Variants in PTPRD observed in about 807,000 individuals in gnomAD.
PTPRD encodes the protein protein tyrosine phosphatase receptor type D, also known as receptor-type tyrosine-protein phosphatase delta.
Under a neutral mutation model 214.5 loss-of-function variants are expected in PTPRD, and 34 were observed. The ratio of observed to expected loss-of-function variants is 0.16; its 90% CI spans 0.12 to 0.21. PTPRD has a LOEUF of 0.21. PTPRD is among the 10% of genes least tolerant of loss of function. The pLI is 1.00. For synonymous variants in PTPRD, 1,128 were observed against 845.7 expected (o/e 1.33, Z -5.79); for missense variants, 2,545 against 2,398.7 (o/e 1.06, Z -1.27).
chr9:10,374,500 G>A (rs566765722), intron 2 of PTPRD, among the ~76,000 whole-genome samples: 41 of 152,058 alleles, frequency 2.7e-4, no homozygotes, highest in Middle Eastern at 3.4e-3. Context: ...ACTTGCCCAC[G>A]GAATAACTGT....
intron 8 of PTPRD, among the ~76,000 whole-genome samples, chr9:9,421,216 A>T (rs1042961147): frequency 6.6e-6 from 1 of 152,010 alleles, no homozygotes; most frequent in Non-Finnish European, 1.5e-5. Flanking sequence ...ACTAAATATT[A>T]TTTCTAAAAT....
At chr9:10,603,927 G>A (rs1315976363) in intron 2 of PTPRD, among the ~76,000 whole-genome samples, 1 of 151,848 alleles carries the variant, frequency 6.6e-6, no homozygotes, top group Non-Finnish European at 1.5e-5. Flanking sequence ...GGATGAGAAG[G>A]ATGAATGAGT....
intron 2 of PTPRD, among the ~76,000 whole-genome samples, chr9:10,478,301 C>A (rs761552521): frequency 1.1e-4 from 17 of 152,268 alleles, no homozygotes; most frequent in Non-Finnish European, 2.2e-4. Context: ...ATATTACCCA[C>A]ATGTTGTATA....
At chr9:10,315,174 G>C (rs574773495) in intron 3 of PTPRD, among the ~76,000 whole-genome samples, 72 of 151,974 alleles carry the variant, frequency 4.7e-4, no homozygotes, top group African/African-American at 1.3e-3. Context: ...TGAATGGCTT[G>C]ATTATTATGC....
rs546897221 is a variant in PTPRD at position 8,510,995 on chromosome 9, A to G, written c.1544-3561T>C. ...TACAGAGGTTCCATTTCACATTTCT[A>G]TTAATGTTTTCTCTCTATATATGTA... On this transcript the variant is annotated intron_variant, in intron 21 of 45. Transcript: ENST00000381196. Among the ~76,000 whole-genome samples the G allele has an allele frequency of 2.6e-5, 4 of 152,148 alleles. No individual in the cohort carries two copies. The South Asian group carries it at 8.3e-4, about 32-fold the overall frequency.
At chr9:10,057,997 A>C (rs1220730679) in intron 3 of PTPRD, among the ~76,000 whole-genome samples, 1 of 152,118 alleles carries the variant, frequency 6.6e-6, no homozygotes, top group Non-Finnish European at 1.5e-5. Context: ...GTAACACGTA[A>C]GATGATTGCA....
At chr9:8,655,093 T>C (rs1667826357) in intron 12 of PTPRD, among the ~76,000 whole-genome samples, 1 of 152,044 alleles carries the variant, frequency 6.6e-6, no homozygotes, top group Admixed American at 6.6e-5. Flanking sequence ...TCAAAAAAAT[T>C]AAATAGTTAA....
chr9:9,790,682 T>A (rs1272672107), intron 5 of PTPRD, among the ~76,000 whole-genome samples: 2 of 152,230 alleles, frequency 1.3e-5, no homozygotes, highest in Non-Finnish European at 2.9e-5. Flanking sequence ...TTATGTTAGC[T>A]TGAAATTAGA....
intron 12 of PTPRD, chr9:8,713,168 A>G (rs557947765): frequency 3.6e-6 from 2 of 561,440 alleles, no homozygotes; most frequent in African/African-American, 3.8e-5. Flanking sequence ...CTCCTGCATA[A>G]CTGTCAGTGC....
intron 3 of PTPRD, among the ~76,000 whole-genome samples, chr9:10,310,813 T>C (rs1222364013): frequency 6.6e-6 from 1 of 152,086 alleles, no homozygotes; most frequent in Non-Finnish European, 1.5e-5. Context: ...GTCTGAATAG[T>C]TGTTAAACGC....
intron 9 of PTPRD, among the ~76,000 whole-genome samples, chr9:9,325,705 C>T (rs1969701977): frequency 6.6e-6 from 1 of 152,066 alleles, no homozygotes; most frequent in Non-Finnish European, 1.5e-5. Context: ...GCCTGATTGC[C>T]CTGGCCAGAA....
At chr9:9,537,216 T>G (rs2076706120) in intron 8 of PTPRD, among the ~76,000 whole-genome samples, 2 of 151,964 alleles carry the variant, frequency 1.3e-5, no homozygotes, top group Non-Finnish European at 1.5e-5. Flanking sequence ...CCAAGGTGTA[T>G]GATATAAATA....
intron 3 of PTPRD, among the ~76,000 whole-genome samples, chr9:10,293,508 AT>A (rs1479901945): frequency 3.9e-5 from 6 of 151,982 alleles, no homozygotes; most frequent in Non-Finnish European, 8.8e-5. Flanking sequence ...CACGTAGGAT[AT>A]TAAATCATGT....
At chr9:10,204,459 C>T (rs561673539) in intron 3 of PTPRD, among the ~76,000 whole-genome samples, 12 of 152,160 alleles carry the variant, frequency 7.9e-5, no homozygotes, top group Admixed American at 7.2e-4. Context: ...TCATTCATGG[C>T]TGTTTCCAGT....
intron 14 of PTPRD, among the ~76,000 whole-genome samples, chr9:8,618,921 T>TG (rs2095711917): frequency 7.1e-6 from 1 of 141,506 alleles, no homozygotes; most frequent in Non-Finnish European, 1.5e-5. Flanking sequence ...TTTGTTTTTT[T>TG]TTTTTTTTTT....
intron 22 of PTPRD, among the ~76,000 whole-genome samples, chr9:8,505,513 T>C (rs572746966): frequency 4.0e-5 from 6 of 150,460 alleles, no homozygotes; most frequent in African/African-American, 1.2e-4. Flanking sequence ...TCCCAGCTAC[T>C]TGGGAGGCTG....
chr9:9,480,598 T>G (rs1052666161), intron 8 of PTPRD, among the ~76,000 whole-genome samples: 1 of 152,176 alleles, frequency 6.6e-6, no homozygotes, highest in Non-Finnish European at 1.5e-5. Context: ...CTTTTTCTTT[T>G]AGTAATTTCC....
At chr9:8,353,854 A>C (rs1036443300) in intron 39 of PTPRD, among the ~76,000 whole-genome samples, 6 of 140,356 alleles carry the variant, frequency 4.3e-5, no homozygotes, top group Non-Finnish European at 9.4e-5. Context: ...ATATGTATAT[A>C]TGTGTATATA....
intron 3 of PTPRD, among the ~76,000 whole-genome samples, chr9:10,057,628 A>T (rs1488858775): frequency 6.6e-6 from 1 of 152,116 alleles, no homozygotes; most frequent in Admixed American, 6.6e-5. Context: ...GTGGATCACG[A>T]GGTCAGGAGT....
Sources: gnomAD v4.1 joint callset for allele counts (sites outside exome capture counted in the v4.1 genomes callset) on GRCh38, gnomAD v4.1.1 for gene constraint, MANE v1.5 for transcripts, NCBI Gene and HGNC (gene_info 2026-07-23, HGNC 2026-07-21) for gene names.